The following PCCA variants were observed in gnomAD, a reference collection of about 807,000 sequenced individuals.
PCCA encodes the protein propionyl-CoA carboxylase subunit alpha, also known as propionyl-CoA carboxylase alpha chain, mitochondrial.
A neutral mutation model predicts 101.3 loss-of-function variants in PCCA; 74 were observed. That is an observed-to-expected ratio of 0.73 (90% CI 0.61 to 0.89). The LOEUF is 0.89. PCCA is among the 40% of genes least tolerant of loss of function. The pLI, the probability that PCCA is intolerant of heterozygous loss-of-function variation, is 0.00. For synonymous variants in PCCA, 294 were observed against 313.6 expected (o/e 0.94, Z 0.66); for missense variants, 891 against 907.0 (o/e 0.98, Z 0.23).
intron 7 of PCCA, among the ~76,000 whole-genome samples, chr13:100,214,658 C>A (rs1415953779): frequency 6.6e-6 from 1 of 152,092 alleles, no homozygotes. Flanking sequence ...GATCTCCTGA[C>A]CTTGTGATCC....
At chr13:100,305,886 G>A in intron 14 of PCCA, 1 of 409,070 alleles carries the variant, frequency 2.4e-6, no homozygotes, top group Non-Finnish European at 4.9e-6. Context: ...GTATATGAAT[G>A]TGAATACGAA....
intron 6 of PCCA, among the ~76,000 whole-genome samples, chr13:100,174,173 AAAT>A (rs1323560374): frequency 5.3e-5 from 8 of 152,046 alleles, no homozygotes; most frequent in Non-Finnish European, 1.2e-4. Flanking sequence ...ATAGATGTAG[AAAT>A]AATAATATTT....
At chr13:100,269,828 T>G (rs1258396078) in intron 11 of PCCA, among the ~76,000 whole-genome samples, 1 of 152,176 alleles carries the variant, frequency 6.6e-6, no homozygotes, top group Non-Finnish European at 1.5e-5. Flanking sequence ...GTTACATTGG[T>G]TTTTAAAAAT....
At chr13:100,362,268 T>C (rs1210103160) in intron 18 of PCCA, among the ~76,000 whole-genome samples, 1 of 152,112 alleles carries the variant, frequency 6.6e-6, no homozygotes, top group Non-Finnish European at 1.5e-5. Flanking sequence ...AATTTGACTG[T>C]ATGTTAGTTG....
At chr13:100,477,567 T>C (rs894832804) in intron 21 of PCCA, 1 of 152,234 alleles carries the variant, frequency 6.6e-6, no homozygotes, top group African/African-American at 2.4e-5. Flanking sequence ...AGTGACCCTG[T>C]GGATGATGGG....
At chr13:100,289,840 T>C (rs930519414) in intron 12 of PCCA, among the ~76,000 whole-genome samples, 2 of 152,186 alleles carry the variant, frequency 1.3e-5, no homozygotes, top group Non-Finnish European at 2.9e-5. Context: ...TTAGCTCCCA[T>C]GTATACAGCC....
chr13:100,256,320 A>G (rs1469370048), intron 8 of PCCA, among the ~76,000 whole-genome samples: 1 of 152,096 alleles, frequency 6.6e-6, no homozygotes, highest in Admixed American at 6.6e-5. Flanking sequence ...GGCCCTTCTG[A>G]TAATACACTT....
chr13:100,328,893 T>C (rs537509852), intron 16 of PCCA, among the ~76,000 whole-genome samples: 5 of 151,204 alleles, frequency 3.3e-5, no homozygotes, highest in Admixed American at 1.3e-4. Context: ...GGGGTTTCAC[T>C]GTGTTGGCCA....
At chr13:100,327,933 T>C (rs1055557772) in intron 16 of PCCA, among the ~76,000 whole-genome samples, 11 of 152,186 alleles carry the variant, frequency 7.2e-5, no homozygotes, top group African/African-American at 2.7e-4. Flanking sequence ...GTTCAATATA[T>C]GTATTGTGGG....
intron 1 of PCCA, among the ~76,000 whole-genome samples, chr13:100,090,974 TGACC>T (rs2046227740): frequency 9.9e-6 from 1 of 100,616 alleles, no homozygotes; most frequent in Non-Finnish European, 2.0e-5. Context: ...AAGGATGAAG[TGACC>T]TTTTCTAACA....
In PCCA at chr13:100,221,109, T is replaced by C. The variant is rs2059787220; in HGVS notation, c.600+11646T>C. Among the ~76,000 whole-genome samples the C allele has an allele frequency of 1.3e-5, 2 of 152,244 alleles. 1 individual carries two copies. The highest frequency in any genetic ancestry group is 4.8e-5 in the African/African-American group (2 of 41,466). On this transcript the variant is annotated intron_variant, in intron 7 of 23. Transcript: ENST00000376285. Reference sequence around the variant, plus strand: ...AGCATGAAAATGGGCTTATGAAACCTATGCCTGTCTTCTTTCAGGTGAACT... The same window carrying C: ...AGCATGAAAATGGGCTTATGAAACCCATGCCTGTCTTCTTTCAGGTGAACT...
At chr13:100,389,821 G>A (rs1386649199) in intron 19 of PCCA, among the ~76,000 whole-genome samples, 1 of 152,140 alleles carries the variant, frequency 6.6e-6, no homozygotes, top group Non-Finnish European at 1.5e-5. Context: ...AAGCAGCTGG[G>A]ACCCGGCCAT....
At chr13:100,245,760 A>G (rs539322301) in intron 8 of PCCA, among the ~76,000 whole-genome samples, 2 of 152,282 alleles carry the variant, frequency 1.3e-5, no homozygotes, top group South Asian at 2.1e-4. Flanking sequence ...ACTTCTCTGC[A>G]TTTCTGTTGC....
intron 6 of PCCA, among the ~76,000 whole-genome samples, chr13:100,180,118 G>A (rs1361704872): frequency 2.6e-5 from 4 of 152,108 alleles, no homozygotes; most frequent in African/African-American, 4.8e-5. Context: ...TAAGCATGTG[G>A]TGCACTTCTG....
At chr13:100,186,732 C>T (rs2057298920) in intron 6 of PCCA, among the ~76,000 whole-genome samples, 1 of 103,334 alleles carries the variant, frequency 9.7e-6, no homozygotes, top group South Asian at 3.0e-4. Flanking sequence ...GAGTGAGATT[C>T]CATCTCAAAA....
intron 21 of PCCA, chr13:100,473,037 T>TG (rs2083139483): frequency 6.6e-6 from 1 of 152,164 alleles, no homozygotes; most frequent in African/African-American, 2.4e-5. Flanking sequence ...GACCAAATCT[T>TG]TAAGTCTGCC....
At chr13:100,397,447 T>C (rs2077102381) in intron 19 of PCCA, among the ~76,000 whole-genome samples, 1 of 152,184 alleles carries the variant, frequency 6.6e-6, no homozygotes. Context: ...TTCTTTGCTT[T>C]AGACTCATTT....
chr13:100,275,449 A>T (rs2063582451), intron 12 of PCCA, among the ~76,000 whole-genome samples: 1 of 152,098 alleles, frequency 6.6e-6, no homozygotes, highest in Admixed American at 6.6e-5. Context: ...CCTGATGGTT[A>T]TCTTTTGCGT....
chr13:100,455,585 G>C (rs2081647145), intron 21 of PCCA, among the ~76,000 whole-genome samples: 1 of 152,176 alleles, frequency 6.6e-6, no homozygotes, highest in African/African-American at 2.4e-5. Flanking sequence ...TGATAAACTA[G>C]CCTGCTACTC....
Sources: gnomAD v4.1 joint callset for allele counts (sites outside exome capture counted in the v4.1 genomes callset) on GRCh38, gnomAD v4.1.1 for gene constraint, MANE v1.5 for transcripts, NCBI Gene and HGNC (gene_info 2026-07-23, HGNC 2026-07-21) for gene names.